The following WBP2NL variants were observed in gnomAD, a reference collection of about 807,000 sequenced individuals.
The protein encoded by WBP2NL is WBP2 N-terminal like.
A neutral mutation model predicts 23.3 loss-of-function variants in WBP2NL; 27 were observed. The ratio of observed to expected loss-of-function variants is 1.16; its 90% confidence interval spans 0.85 to 1.60. WBP2NL has a LOEUF of 1.60. WBP2NL is among the 40% of genes most tolerant of loss of function. The pLI, the probability that WBP2NL is intolerant of heterozygous loss-of-function variation, is 0.00. For missense variants in WBP2NL, 370 were observed against 389.5 expected (o/e 0.95, Z 0.42); for synonymous variants, 151 against 145.9 (o/e 1.03, Z -0.25).
downstream of WBP2NL, among the ~76,000 whole-genome samples, chr22:42,036,642 C>A (rs1312031120): frequency 6.6e-6 from 1 of 152,126 alleles, no homozygotes; most frequent in Admixed American, 6.5e-5. Flanking sequence ...GAAGTGATAT[C>A]TCATTATGGT....
chr22:42,054,268 C>T (rs547614031), intron 8 of WBP2NL, among the ~76,000 whole-genome samples: 65 of 152,264 alleles, frequency 4.3e-4, no homozygotes, highest in African/African-American at 1.5e-3. Context: ...GAAACCTCCA[C>T]CTCTCAGGTT....
intron 1 of WBP2NL, among the ~76,000 whole-genome samples, chr22:42,007,195 T>G (rs1922332674): frequency 6.6e-6 from 1 of 152,204 alleles, no homozygotes; most frequent in African/African-American, 2.4e-5. Context: ...CAACCCCTAA[T>G]CTGGAATAGT....
rs756399969 is a variant in WBP2NL at position 42,048,280 on chromosome 22, C to T, written c.*274-10010C>T. On this transcript the variant is annotated intron_variant and NMD_transcript_variant, in intron 8 of 8. Coordinates refer to the WBP2NL transcript ENST00000436265. ...ATTAAAAGTACAAAAATTAGCCGGGCGTGGTGGTGCACACCTGTAATCCCA... is the reference window on the plus strand; with the variant it reads ...ATTAAAAGTACAAAAATTAGCCGGGTGTGGTGGTGCACACCTGTAATCCCA... Among the ~76,000 whole-genome samples the T allele has an allele frequency of 4.2e-5, 6 of 144,438 alleles. No individual in the cohort carries two copies. In the East Asian group the frequency reaches 7.9e-4, roughly 19 times the overall value. The allele number at this position is 144,438 out of a possible 152,430, so 94.8% of individuals were successfully genotyped here.
chr22:42,023,541 C>T (rs568867801), intron 5 of WBP2NL, among the ~76,000 whole-genome samples: 32 of 151,950 alleles, frequency 2.1e-4, no homozygotes, highest in African/African-American at 6.8e-4. Flanking sequence ...CTTGCTCTGT[C>T]GCCCAGGCTG....
chr22:42,046,672 T>C (rs1925599695), intron 8 of WBP2NL, among the ~76,000 whole-genome samples: 1 of 152,206 alleles, frequency 6.6e-6, no homozygotes, highest in Non-Finnish European at 1.5e-5. Flanking sequence ...AAGAGAAATT[T>C]TATGTTATAA....
intron 8 of WBP2NL, among the ~76,000 whole-genome samples, chr22:42,040,688 G>A (rs1477465674): frequency 3.3e-5 from 5 of 152,184 alleles, no homozygotes. Context: ...TTGTTCAAGA[G>A]TGTATTGTTT....
intron 8 of WBP2NL, among the ~76,000 whole-genome samples, chr22:42,049,177 A>T (rs1270816334): frequency 6.6e-6 from 1 of 152,240 alleles, no homozygotes; most frequent in Non-Finnish European, 1.5e-5. Flanking sequence ...TTAGTGGAAC[A>T]GAAGAGTCCA....
At chr22:42,042,804 A>G (rs541873166) in intron 8 of WBP2NL, among the ~76,000 whole-genome samples, 2 of 152,184 alleles carry the variant, frequency 1.3e-5, no homozygotes, top group South Asian at 2.1e-4. Context: ...CATGCCTGCA[A>G]CTCCAGCACT....
intron 8 of WBP2NL, among the ~76,000 whole-genome samples, chr22:42,051,554 C>A (rs1925838799): frequency 6.6e-6 from 1 of 152,162 alleles, no homozygotes; most frequent in Non-Finnish European, 1.5e-5. Context: ...TATAACAAAT[C>A]TGCCACATTA....
chr22:42,046,955 G>T (rs1156566034), intron 8 of WBP2NL, among the ~76,000 whole-genome samples: 1 of 152,038 alleles, frequency 6.6e-6, no homozygotes, highest in African/African-American at 2.4e-5. Flanking sequence ...GACTTTTCAG[G>T]TATCTAACTC....
At chr22:42,017,946 C>T (rs1021383130) in intron 1 of WBP2NL, among the ~76,000 whole-genome samples, 8 of 151,816 alleles carry the variant, frequency 5.3e-5, no homozygotes, top group African/African-American at 1.9e-4. Flanking sequence ...GTCAGGAGTT[C>T]CAGACCAGCC....
intron 1 of WBP2NL, 27 bp downstream of exon 1, chr22:41,998,907 G>A (rs1921224114): frequency 6.2e-7 from 1 of 1,600,878 alleles, no homozygotes; most frequent in Admixed American, 1.7e-5. Flanking sequence ...ACGGCGTGCT[G>A]TCGGAGGAGA....
intron 1 of WBP2NL, among the ~76,000 whole-genome samples, chr22:42,009,458 G>A (rs1465296286): frequency 6.6e-6 from 1 of 152,072 alleles, no homozygotes; most frequent in Non-Finnish European, 1.5e-5. Flanking sequence ...TTATGTTTAA[G>A]TCTTTAATCC....
At chr22:42,036,385 A>G (rs1925183250), downstream of WBP2NL, among the ~76,000 whole-genome samples, 2 of 152,138 alleles carry the variant, frequency 1.3e-5, no homozygotes, top group Non-Finnish European at 2.9e-5. Flanking sequence ...CATGTTAGCC[A>G]GGATGGTCTT....
chr22:42,045,654 C>A (rs58538195), intron 8 of WBP2NL, among the ~76,000 whole-genome samples: 3,407 of 152,216 alleles, frequency 0.022, 133 homozygotes, highest in African/African-American at 0.078. Context: ...AAGAAACTCA[C>A]ACAAGAAGAA....
At chr22:42,016,669 T>C (rs1321413605) in intron 1 of WBP2NL, among the ~76,000 whole-genome samples, 1 of 152,260 alleles carries the variant, frequency 6.6e-6, no homozygotes, top group Non-Finnish European at 1.5e-5. Context: ...CTTTTATGGC[T>C]AGACTGACAT....
chr22:42,019,635 T>C, intron 2 of WBP2NL, 27 bp from the exon 3 acceptor site: 1 of 1,612,874 alleles, frequency 6.2e-7, no homozygotes, highest in Non-Finnish European at 8.5e-7. Context: ...TCTGCATTCC[T>C]TTTCCAAAGT....
downstream of WBP2NL, among the ~76,000 whole-genome samples, chr22:42,037,073 C>T (rs1332417253): frequency 2.0e-5 from 3 of 151,104 alleles, no homozygotes; most frequent in African/African-American, 7.3e-5. Flanking sequence ...TACATTTGAG[C>T]CTTTTGTCTA....
At chr22:42,010,774 G>A (rs188142088) in intron 1 of WBP2NL, among the ~76,000 whole-genome samples, 273 of 152,240 alleles carry the variant, frequency 1.8e-3, no homozygotes, top group African/African-American at 6.1e-3. Flanking sequence ...TCCTGACCTC[G>A]TGATCCGCCC....
Sources: gnomAD v4.1 joint callset for allele counts (sites outside exome capture counted in the v4.1 genomes callset) on GRCh38, gnomAD v4.1.1 for gene constraint, MANE v1.5 for transcripts, NCBI Gene and HGNC (gene_info 2026-07-23, HGNC 2026-07-21) for gene names.